ARL6IP4: variants seen among roughly 807,000 people sequenced by gnomAD.
The protein encoded by ARL6IP4 is ADP-ribosylation factor-like protein 6-interacting protein 4.
Under a neutral mutation model 28.1 loss-of-function variants are expected in ARL6IP4, and 24 were observed. The observed-to-expected ratio is 0.86, with a 90% CI of 0.62 to 1.20. ARL6IP4 has a LOEUF of 1.20. Among genes scored for constraint, ARL6IP4 ranks in the 50% most tolerant of loss-of-function variants. The pLI is 0.00. For synonymous variants in ARL6IP4, 162 were observed against 122.3 expected (o/e 1.32, Z -2.14); for missense variants, 343 against 302.4 (o/e 1.13, Z -1.00).
chr12:122,981,373 C>T (rs2037644271), intron 2 of ARL6IP4, 74 bp downstream of exon 2: 1 of 1,484,928 alleles, frequency 6.7e-7, no homozygotes, highest in Non-Finnish European at 9.0e-7. Flanking sequence ...TGGTCGGGGA[C>T]GCTCAGTCAT....
At position 122,982,832 on chromosome 12, in the gene ARL6IP4, G is replaced by A. The variant is rs888413855; in HGVS notation, c.*156G>A. 31 of 781,840 alleles carry A rather than the reference G, an allele frequency of 4.0e-5. No homozygotes were observed. The African/African-American group carries it at 4.5e-4, about 11-fold the overall frequency. The allele number at this position is 781,840 out of a possible 1,614,324, so 48.4% of individuals were successfully genotyped here. A position where few individuals can be genotyped will look rare whatever the true frequency, so the allele number is the denominator to read the frequency against. On this transcript the variant is annotated 3_prime_UTR_variant, in exon 6 of 6. Transcript: ENST00000315580. The stretch of plus-strand genomic sequence containing the variant: ...CTCTTCTCAGGGGCAGGGGGTGGAG[G>A]TTGGGGTCACCGGCCTGCTTGGCAC...
In ARL6IP4 at chr12:122,981,256, C is replaced by G; in HGVS notation, c.117C>G (p.Ser39=). ...RKDTSRNCSA[S]TSQGRKASTA... is the part of the protein sequence containing the mutation. ...ACACCTCGAGGAACTGCTCGGCCTC[C>G]ACATCCCAAGGTCGCAAGGCCAGCA... The change falls in exon 2 of 6, where the codon TCC becomes TCG. Residue 39 remains serine (S), a synonymous_variant. Transcript: ENST00000315580. 1 of 1,549,830 alleles carries G rather than the reference C, an allele frequency of 6.5e-7. No homozygotes were observed. The highest frequency in any genetic ancestry group is 8.7e-7 in the Non-Finnish European group (1 of 1,146,556).
upstream of ARL6IP4, chr12:122,980,252 G>A (rs1382885607): frequency 7.3e-6 from 9 of 1,237,270 alleles, no homozygotes; most frequent in Non-Finnish European, 9.1e-6. Context: ...GCTTCCTTCC[G>A]GATGGGCCTG....
At chr12:122,980,503 T>G, upstream of ARL6IP4, 1 of 1,364,278 alleles carries the variant, frequency 7.3e-7, no homozygotes, top group Non-Finnish European at 9.4e-7. Flanking sequence ...GCCTTGGAAG[T>G]GGGCGCAGCT....
intron 2 of ARL6IP4, 133 bp downstream of exon 2, chr12:122,981,432 C>A: frequency 7.2e-7 from 1 of 1,386,290 alleles, no homozygotes; most frequent in Non-Finnish European, 9.5e-7. Context: ...GCCGCAGGAG[C>A]CAGGAAGGGG....
At chr12:122,980,440 T>C, upstream of ARL6IP4, 1 of 1,361,304 alleles carries the variant, frequency 7.3e-7, no homozygotes, top group Non-Finnish European at 9.5e-7. Flanking sequence ...GAGGGTCGCC[T>C]TCTTCCCAGG....
intron 2 of ARL6IP4, 52 bp downstream of exon 2, chr12:122,981,351 T>C (rs1185984346): frequency 6.6e-7 from 1 of 1,510,848 alleles, no homozygotes; most frequent in Non-Finnish European, 8.9e-7. Context: ...CCCGGGGAAG[T>C]CGGGCGAGCA....
intron 2 of ARL6IP4, 88 bp downstream of exon 2, chr12:122,981,387 T>C (rs910672733): frequency 2.0e-6 from 3 of 1,464,462 alleles, no homozygotes; most frequent in East Asian, 5.0e-5. Context: ...CAGTCATGCC[T>C]CTGTGCAGCC....
Position 122,980,736 on chromosome 12 carries a change from G to A in ARL6IP4, c.-21G>A. 1 of 1,322,594 alleles carries A rather than the reference G, an allele frequency of 7.6e-7. No homozygotes were observed. Among genetic ancestry groups the A allele is most frequent in the Non-Finnish European group, 9.6e-7 (1 of 1,040,900 alleles). The allele number at this position is 1,322,594 out of a possible 1,614,324, so 81.9% of individuals were successfully genotyped here. ...GCGGGGCGGGCTGTCCGGCCCGCAG[G>A]GCGGTCGAGGTGGGAACGGAGCAGC... On this transcript the variant is annotated 5_prime_UTR_variant, in exon 1 of 6. Coordinates refer to ENST00000315580, the MANE Select transcript of ARL6IP4 (RefSeq NM_018694.4).
chr12:122,981,433 C>A, intron 2 of ARL6IP4, 134 bp downstream of exon 2: 1 of 1,382,978 alleles, frequency 7.2e-7, no homozygotes, highest in Non-Finnish European at 9.5e-7. Context: ...CCGCAGGAGC[C>A]AGGAAGGGGC....
Position 122,981,646 on chromosome 12 carries a change from C to A in ARL6IP4, c.236C>A (p.Ser79Tyr). The change falls in exon 3 of 6, where the codon TCT (serine) becomes TAT (tyrosine). Residue 79 changes from serine to tyrosine, a missense_variant. Coordinates refer to ENST00000315580, the MANE Select transcript of ARL6IP4 (RefSeq NM_018694.4). The stretch of plus-strand genomic sequence containing the variant: ...AGAACAAGATCCAGCTCCTCCTCCT[C>A]TTCTTCCAGTTCTTCTAGCTCCTCT... ...RRRTRSSSSS[S>Y]SSSSSSSSSS... The A allele has an allele frequency of 1.3e-6, 2 of 1,558,912 alleles. No individual in the cohort carries two copies. Among genetic ancestry groups the A allele is most frequent in the Non-Finnish European group, 1.7e-6 (2 of 1,152,028 alleles).
intron 3 of ARL6IP4, 35 bp downstream of exon 3, chr12:122,981,914 T>C: frequency 6.2e-7 from 1 of 1,613,394 alleles, no homozygotes. Context: ...AGGGAGAAGG[T>C]CGCTTCCCAA....
At chr12:122,980,581 G>T (rs1290439575), upstream of ARL6IP4, 3 of 1,382,844 alleles carry the variant, frequency 2.2e-6, no homozygotes, top group South Asian at 4.8e-5. Context: ...TCTGCGGGAG[G>T]TGGGCGCGCC....
At chr12:122,981,105 C>A in intron 1 of ARL6IP4, 24 bp from the exon 2 acceptor site, 1 of 1,545,520 alleles carries the variant, frequency 6.5e-7, no homozygotes, top group South Asian at 1.2e-5. Context: ...GGCTTCGGCT[C>A]AAGCGCGTCT....
upstream of ARL6IP4, chr12:122,980,579 A>C (rs2037597530): frequency 3.6e-6 from 5 of 1,377,042 alleles, no homozygotes; most frequent in Non-Finnish European, 4.7e-6. Flanking sequence ...CCTCTGCGGG[A>C]GGTGGGCGCG....
chr12:122,980,676 G>A, upstream of ARL6IP4: 1 of 1,352,938 alleles, frequency 7.4e-7, no homozygotes, highest in South Asian at 1.8e-5. Context: ...GCCCCGGCCG[G>A]AAGCCTCCTC....
intron 1 of ARL6IP4, 171 bp downstream of exon 1, chr12:122,980,916 G>A (rs2037615752): frequency 7.3e-7 from 1 of 1,369,868 alleles, no homozygotes; most frequent in African/African-American, 1.5e-5. Context: ...TCCGGGCACG[G>A]GGCGGGCCCT....
chr12:122,980,381 C>T, upstream of ARL6IP4: 3 of 1,326,994 alleles, frequency 2.3e-6, no homozygotes, highest in Non-Finnish European at 2.9e-6. Context: ...CTGGAGCTCG[C>T]AGTCGTATGG....
chr12:122,982,298 G>C, intron 4 of ARL6IP4, 171 bp from the exon 5 acceptor site: 4 of 829,896 alleles, frequency 4.8e-6, no homozygotes, highest in Non-Finnish European at 7.7e-6. Context: ...GCAAGGCAGA[G>C]CCCAGCTCCA....
Sources: allele counts gnomAD v4.1 joint callset, GRCh38; gene constraint gnomAD v4.1.1; transcripts MANE v1.5; gene names NCBI Gene and HGNC (gene_info 2026-07-23, HGNC 2026-07-21).